The following CNOT10 variants were observed in gnomAD, a reference collection of about 807,000 sequenced individuals.
CNOT10 encodes CCR4-NOT transcription complex, subunit 10.
CNOT10 carries 30 observed loss-of-function variants against 94.6 expected under a neutral mutation model. The observed-to-expected ratio is 0.32, with a 90% CI of 0.24 to 0.43. The LOEUF (loss-of-function observed/expected upper bound fraction) is 0.43, where lower values mean the gene tolerates loss of function less well. CNOT10 is among the 20% of genes least tolerant of loss of function. The pLI is 1.00. For synonymous variants in CNOT10, 289 were observed against 301.6 expected (o/e 0.96, Z 0.43); for missense variants, 759 against 877.2 (o/e 0.87, Z 1.70).
intron 8 of CNOT10, among the ~76,000 whole-genome samples, chr3:32,723,576 A>T (rs1262378070): frequency 6.6e-6 from 1 of 152,200 alleles, no homozygotes. Context: ...TCTAAGTACC[A>T]TAGAATTTAG....
chr3:32,768,338 T>C (rs1700738547), intron 17 of CNOT10, among the ~76,000 whole-genome samples: 2 of 151,356 alleles, frequency 1.3e-5, no homozygotes, highest in Admixed American at 1.3e-4. Context: ...TCCCAGCACT[T>C]TGGGAGGCCA....
At position 32,713,336 on chromosome 3, in the gene CNOT10, A is replaced by C; in HGVS notation, c.540A>C (p.Ser180=). Reference sequence around the variant, plus strand: ...TTGCTGTCCTAGAAAAAATGATTTCACAGGGTAACAATAACAAAAATGGAA... The same window carrying C: ...TTGCTGTCCTAGAAAAAATGATTTCCCAGGGTAACAATAACAAAAATGGAA... ...HLLAVLEKMI[S]QGNNNKNGKN... The change falls in exon 5 of 19, where the codon TCA becomes TCC. Residue 180 remains serine, a synonymous_variant. Coordinates refer to ENST00000328834, the MANE Select transcript of CNOT10 (RefSeq NM_015442.3). The C allele has an allele frequency of 6.2e-7, 1 of 1,602,006 alleles. No individual in the cohort carries two copies. The highest frequency in any genetic ancestry group is 2.3e-5 in the East Asian group (1 of 44,324).
rs1186119119 is a variant in CNOT10, at chr3:32,755,950, T to C, written c.1596-3508T>C. Among the ~76,000 whole-genome samples the C allele has an allele frequency of 2.0e-5, 3 of 152,078 alleles. No homozygotes were observed. In the East Asian group the frequency reaches 5.8e-4, roughly 29 times the overall value. On this transcript the variant is annotated intron_variant, in intron 13 of 18. Coordinates refer to ENST00000328834, the MANE Select transcript of CNOT10 (RefSeq NM_015442.3). ...ATGAACTGTCAGATCCACTGAGTGA[T>C]TGGTAAAGCAGATTGGACAGTGACT...
rs765069638 is a variant in CNOT10, at chr3:32,734,947, A to G, written c.1485A>G (p.Thr495=). 10 of 1,613,986 alleles carry G rather than the reference A, an allele frequency of 6.2e-6. No homozygotes were observed. The South Asian group carries it at 1.1e-4, about 18-fold the overall frequency. The change falls in exon 12 of 19, where the codon ACA becomes ACG. Residue 495 remains threonine (T), a synonymous_variant. Coordinates refer to ENST00000328834, the MANE Select transcript of CNOT10 (RefSeq NM_015442.3). ...AKNSNQLGGN[T]ESSESSETCS... is the part of the protein sequence containing the mutation. ...ATAGTAATCAATTAGGTGGGAACAC[A>G]GAGAGCAGCGAAAGCAGTGAAACTT...
At chr3:32,725,925 A>ATTGTT (rs1575246686) in intron 9 of CNOT10, among the ~76,000 whole-genome samples, 1 of 100,454 alleles carries the variant, frequency 1.0e-5, no homozygotes, top group African/African-American at 4.2e-5. Flanking sequence ...TAGGTTTATT[A>ATTGTT]TAGTTTTGTT....
intron 1 of CNOT10, among the ~76,000 whole-genome samples, chr3:32,689,652 A>G (rs1696770704): frequency 6.6e-6 from 1 of 152,200 alleles, no homozygotes; most frequent in African/African-American, 2.4e-5. Context: ...CCCTAGAACA[A>G]TATCTGACAA....
chr3:32,765,028 A>T (rs74923884), intron 17 of CNOT10: 28,115 of 1,451,218 alleles, frequency 0.019, 461 homozygotes, highest in East Asian at 0.07. Context: ...ATTTTATTTT[A>T]AAAAAAATTT....
intron 3 of CNOT10, among the ~76,000 whole-genome samples, chr3:32,707,859 G>C (rs942579267): frequency 1.3e-5 from 2 of 152,028 alleles, no homozygotes; most frequent in Non-Finnish European, 2.9e-5. Flanking sequence ...TTTTAACATA[G>C]CAAGTCTGGC....
intron 10 of CNOT10, among the ~76,000 whole-genome samples, chr3:32,728,737 C>G (rs1323042235): frequency 6.6e-6 from 1 of 152,162 alleles, no homozygotes; most frequent in Admixed American, 6.5e-5. Flanking sequence ...CAGTGGTCTG[C>G]TAGCTGCTCC....
intron 17 of CNOT10, among the ~76,000 whole-genome samples, chr3:32,767,377 G>A (rs554311258): frequency 3.7e-4 from 56 of 152,162 alleles, no homozygotes; most frequent in African/African-American, 1.1e-3. Flanking sequence ...AAAGTAGCTG[G>A]GCGTGGTAGC....
In CNOT10 at chr3:32,773,582, C is replaced by A. The variant is rs17849684; in HGVS notation, c.2206C>A (p.Pro736Thr). The A allele has an allele frequency of 3.7e-5, 59 of 1,613,792 alleles. No individual in the cohort carries two copies. The highest frequency in any genetic ancestry group is 4.8e-5 in the Non-Finnish European group (57 of 1,179,944). ...CCACCCGATCCAGCCCATCCAAATG[C>A]CGGCTTTCACCACTGTGCAGAGAAA... ...PVHPIQPIQM[P>T]AFTTVQRK The change falls in exon 19 of 19, where the codon CCG becomes ACG. Residue 736 changes from proline (P) to threonine (T), a missense_variant. Coordinates refer to ENST00000328834, the MANE Select transcript of CNOT10 (RefSeq NM_015442.3).
intron 1 of CNOT10, among the ~76,000 whole-genome samples, chr3:32,688,788 G>T (rs1220591897): frequency 2.0e-5 from 3 of 151,898 alleles, no homozygotes; most frequent in Non-Finnish European, 4.4e-5. Flanking sequence ...CATGGTGTGT[G>T]CCTATAGTCT....
In CNOT10 at chr3:32,744,571, G is replaced by A. The variant is rs143544740; in HGVS notation, c.1595+7081G>A. 5.7e-3 allele frequency among the ~76,000 whole-genome samples: 860 copies of A among 152,208 alleles called. 11 individuals are homozygous for A. The highest frequency in any genetic ancestry group is 0.018 in the African/African-American group (756 of 41,530). On this transcript the variant is annotated intron_variant, in intron 13 of 18. Coordinates refer to ENST00000328834, the MANE Select transcript of CNOT10 (RefSeq NM_015442.3). ...TAATAATTAAAGAAGTTGTGAGATT[G>A]TATATTAAATCAAGGTAGTTTTCAG...
chr3:32,696,681 C>T (rs1471478392), intron 1 of CNOT10, among the ~76,000 whole-genome samples: 1 of 152,080 alleles, frequency 6.6e-6, no homozygotes, highest in Admixed American at 6.6e-5. Context: ...TCACTGCAGC[C>T]TCCACTTCCT....
At position 32,703,947 on chromosome 3, in the gene CNOT10, T is replaced by C. The variant is rs540296411; in HGVS notation, c.102T>C (p.Ala34=). 1.3e-5 allele frequency: 21 copies of C among 1,611,074 alleles called. No individual in the cohort carries two copies. In the African/African-American group the frequency reaches 1.3e-4, roughly 10 times the overall value. The change falls in exon 2 of 19, where the codon GCT becomes GCC. Residue 34 remains alanine, a synonymous_variant. Transcript: ENST00000328834. ...TDQEKELSTN[A]FQAFTSGNYD... ...AAGAGAAGGAGTTATCCACCAATGC[T>C]TTCCAAGCTTTCACAGTAAGAAATG... is the stretch of plus-strand genomic sequence containing the variant.
intron 1 of CNOT10, among the ~76,000 whole-genome samples, chr3:32,702,985 C>G (rs112273917): frequency 0.037 from 5,497 of 150,494 alleles, 168 homozygotes; most frequent in Middle Eastern, 0.08. Flanking sequence ...TATCTTGGCT[C>G]ACTGCAAGCT....
intron 8 of CNOT10, among the ~76,000 whole-genome samples, chr3:32,720,433 GCTTT>G (rs1374048535): frequency 1.3e-5 from 2 of 151,958 alleles, no homozygotes; most frequent in African/African-American, 2.4e-5. Context: ...CTTTCACTTT[GCTTT>G]CTTTCTTTTT....
At chr3:32,711,492 A>G (rs538969671) in intron 4 of CNOT10, among the ~76,000 whole-genome samples, 2 of 152,210 alleles carry the variant, frequency 1.3e-5, no homozygotes, top group South Asian at 4.1e-4. Context: ...GGTTGGTTGA[A>G]TCTGTGGGTG....
intron 3 of CNOT10, among the ~76,000 whole-genome samples, chr3:32,707,962 T>C (rs1697702753): frequency 6.6e-6 from 1 of 152,240 alleles, no homozygotes; most frequent in Non-Finnish European, 1.5e-5. Flanking sequence ...CTTGGCTCAC[T>C]GCAGCCTCTG....
Sources: allele counts gnomAD v4.1 joint callset (sites outside exome capture counted in the v4.1 genomes callset), GRCh38; gene constraint gnomAD v4.1.1; transcripts MANE v1.5; gene names NCBI Gene and HGNC (gene_info 2026-07-23, HGNC 2026-07-21).